DAPK2: variants seen among roughly 807,000 people sequenced by gnomAD.
DAPK2 encodes death-associated protein kinase 2.
In DAPK2, 35 loss-of-function variants were observed where a neutral mutation model predicts 44.1. That is an observed-to-expected ratio of 0.79 (90% CI 0.61 to 1.05). The LOEUF is 1.05. DAPK2 is among the 50% of genes least tolerant of loss of function. The pLI is 0.00. For missense variants in DAPK2, 453 were observed against 483.2 expected (o/e 0.94, Z 0.59); for synonymous variants, 174 against 182.6 (o/e 0.95, Z 0.38).
At chr15:64,019,286 T>A (rs1321584025) in intron 1 of DAPK2, among the ~76,000 whole-genome samples, 1 of 152,218 alleles carries the variant, frequency 6.6e-6, no homozygotes, top group South Asian at 2.1e-4. Flanking sequence ...CAGAAAAAAA[T>A]TCTGAAATCT....
intron 1 of DAPK2, among the ~76,000 whole-genome samples, chr15:64,030,489 G>C (rs1239853338): frequency 6.6e-6 from 1 of 152,036 alleles, no homozygotes; most frequent in Non-Finnish European, 1.5e-5. Flanking sequence ...CCTCATCAAG[G>C]CTGCAGGATG....
intron 1 of DAPK2, among the ~76,000 whole-genome samples, chr15:63,987,640 T>C (rs1396847816): frequency 1.1e-4 from 16 of 152,162 alleles, no homozygotes; most frequent in Non-Finnish European, 5.9e-5. Flanking sequence ...AGCTGCCTTT[T>C]CAGTTCATGT....
chr15:63,957,272 T>C (rs1242322149), intron 3 of DAPK2, among the ~76,000 whole-genome samples: 1 of 152,210 alleles, frequency 6.6e-6, no homozygotes, highest in African/African-American at 2.4e-5. Flanking sequence ...TGGAAAATCT[T>C]TTTTCATCCC....
chr15:63,934,672 C>T (rs1201685329), intron 4 of DAPK2, among the ~76,000 whole-genome samples: 1 of 152,184 alleles, frequency 6.6e-6, no homozygotes, highest in Admixed American at 6.5e-5. Flanking sequence ...ATTCTTCTGC[C>T]TCAGCTTCCA....
At chr15:64,033,165 T>G (rs917485523) in intron 1 of DAPK2, among the ~76,000 whole-genome samples, 2 of 147,850 alleles carry the variant, frequency 1.4e-5, no homozygotes, top group Non-Finnish European at 3.0e-5. Context: ...AAGGCTGAGG[T>G]GGGACGATTG....
intron 2 of DAPK2, 97 bp from the exon 4 acceptor site, chr15:63,971,658 C>T (rs894108167): frequency 1.5e-6 from 2 of 1,322,594 alleles, no homozygotes; most frequent in Admixed American, 5.0e-5. Flanking sequence ...TCCTGACCCC[C>T]CAGGGACCTT....
intron 3 of DAPK2, among the ~76,000 whole-genome samples, chr15:63,954,075 G>A (rs1226397613): frequency 6.6e-6 from 1 of 152,126 alleles, no homozygotes; most frequent in Admixed American, 6.5e-5. Flanking sequence ...CAAATGGGTT[G>A]TTTGTAAATA....
chr15:63,924,540 T>G (rs2079182459), intron 8 of DAPK2: 1 of 412,714 alleles, frequency 2.4e-6, no homozygotes, highest in South Asian at 3.7e-5. Context: ...ACTGTGTAAG[T>G]TGGCCCCAAA....
At chr15:64,036,273 ATG>A (rs1214937871) in intron 1 of DAPK2, among the ~76,000 whole-genome samples, 2,081 of 43,970 alleles carry the variant, frequency 0.047, 90 homozygotes, top group African/African-American at 0.11. Flanking sequence ...ATATATATAT[ATG>A]TGTGTGTGTG....
intron 1 of DAPK2, among the ~76,000 whole-genome samples, chr15:64,001,113 C>T (rs1039172533): frequency 7.9e-5 from 12 of 151,694 alleles, no homozygotes; most frequent in Non-Finnish European, 1.3e-4. Context: ...CTCCTGACCT[C>T]AGGTGATCCT....
In DAPK2 at chr15:63,980,004, G is replaced by C. The variant is rs373438918; in HGVS notation, c.314+3529C>G. ...CAGAACCTGGCCATACATGGGTTAG[G>C]GACAGTCTTGGAACGCTTGGGTCTT... is the stretch of plus-strand genomic sequence containing the variant. On this transcript the variant is annotated intron_variant, in intron 2 of 10. Transcript: ENST00000261891. This position sits in a 1 kb window ranked among gnomAD's most constrained non-coding sequence, Gnocchi z 4.3. 3.9e-5 allele frequency among the ~76,000 whole-genome samples: 6 copies of C among 152,240 alleles called. No homozygotes were observed. The highest frequency in any genetic ancestry group is 7.2e-5 in the African/African-American group (3 of 41,532).
intron 2 of DAPK2, among the ~76,000 whole-genome samples, chr15:63,972,159 C>A (rs2078230938): frequency 6.6e-6 from 1 of 152,190 alleles, no homozygotes; most frequent in Admixed American, 6.5e-5. Flanking sequence ...GACTCCAGGA[C>A]TGTGAGAAAT....
rs1160449453 is a variant in DAPK2 at position 63,939,590 on chromosome 15, CCTT to C, written c.454-232_454-230del. 1.3e-5 allele frequency among the ~76,000 whole-genome samples: 2 copies of C among 152,190 alleles called. No individual in the cohort carries two copies. The highest frequency in any genetic ancestry group is 4.8e-5 in the African/African-American group (2 of 41,440). On this transcript the variant is annotated intron_variant, in intron 3 of 10. Coordinates refer to ENST00000261891, the Ensembl canonical transcript of DAPK2. This position sits in a 1 kb window ranked among gnomAD's most constrained non-coding sequence, Gnocchi z 4.3. ...AGGGCAAGGCCTGGGTTTTACCAAACCTTCTGCTCACAGCAGAACTGAAGACTC... is the reference window on the plus strand; with the variant it reads ...AGGGCAAGGCCTGGGTTTTACCAAACCTGCTCACAGCAGAACTGAAGACTC...
intron 1 of DAPK2, among the ~76,000 whole-genome samples, chr15:64,037,277 G>A (rs551647224): frequency 6.6e-6 from 1 of 152,266 alleles, no homozygotes; most frequent in East Asian, 1.9e-4. Flanking sequence ...GGTTCCCCAG[G>A]TCCCAGGCAC....
At chr15:63,909,493 G>A (rs1302063496) in intron 10 of DAPK2, 1 of 152,202 alleles carries the variant, frequency 6.6e-6, no homozygotes, top group Non-Finnish European at 1.5e-5. Context: ...AAGAACAAAA[G>A]TTTGGAAAGA....
intron 3 of DAPK2, among the ~76,000 whole-genome samples, chr15:63,959,527 C>G (rs1047937154): frequency 6.6e-6 from 1 of 152,084 alleles, no homozygotes; most frequent in Non-Finnish European, 1.5e-5. Context: ...GAGACACGTC[C>G]CATCAATACC....
chr15:64,030,738 C>T (rs911090565), intron 1 of DAPK2, among the ~76,000 whole-genome samples: 5 of 151,906 alleles, frequency 3.3e-5, no homozygotes, highest in Admixed American at 6.6e-5. Context: ...TAGGCTGAGG[C>T]GAAAAGAGCG....
intron 1 of DAPK2, among the ~76,000 whole-genome samples, chr15:64,004,000 T>C (rs767914908): frequency 5.3e-5 from 8 of 152,198 alleles, no homozygotes; most frequent in Non-Finnish European, 8.8e-5. Flanking sequence ...TTTTTTACAG[T>C]TTGTTCCATC....
intron 1 of DAPK2, among the ~76,000 whole-genome samples, chr15:63,985,715 A>G (rs1489034890): frequency 6.6e-6 from 1 of 152,240 alleles, no homozygotes; most frequent in Admixed American, 6.5e-5. Context: ...CTGTGTTGAC[A>G]GCCTTAGGAC....
Sources: allele counts gnomAD v4.1 joint callset (sites outside exome capture counted in the v4.1 genomes callset), GRCh38; gene constraint gnomAD v4.1.1; non-coding constraint Gnocchi (gnomAD v3.1); transcripts MANE v1.5; gene names NCBI Gene and HGNC (gene_info 2026-07-23, HGNC 2026-07-21).